Variants in GSE1 observed in about 807,000 individuals in gnomAD.
GSE1 encodes Gse1 coiled-coil protein.
A neutral mutation model predicts 112.6 loss-of-function variants in GSE1; 32 were observed. The observed-to-expected ratio is 0.28, with a 90% CI of 0.21 to 0.38. GSE1 has a LOEUF of 0.38. Ranked by LOEUF, GSE1 falls within the 10% of genes least tolerant of loss-of-function variation. The pLI is 1.00. For synonymous variants in GSE1, 1,115 were observed against 735.6 expected, an observed-to-expected ratio of 1.52 and a Z score of -8.35; for missense variants, 2,348 against 1,699.2, an observed-to-expected ratio of 1.38 and a Z score of -6.71.
chr16:85,443,331 G>A (rs780214400), intron 2 of GSE1, among the ~76,000 whole-genome samples: 2 of 152,198 alleles, frequency 1.3e-5, no homozygotes, highest in African/African-American at 2.4e-5. Context: ...AAGAGGCAGC[G>A]CAGTGCAGCG....
Position 85,407,984 on chromosome 16 carries a change from C to G in GSE1, c.2464+50341C>G, listed in dbSNP as rs1213222951. 1.1e-4 allele frequency among the ~76,000 whole-genome samples: 6 copies of G among 55,172 alleles called. 3 individuals carry two copies. The highest frequency in any genetic ancestry group is 2.3e-4 in the Non-Finnish European group (6 of 25,826). 36.2% of individuals were successfully genotyped at this position (55,172 alleles called of 152,430 possible). A position where few individuals can be genotyped will look rare whatever the true frequency, so the allele number is the denominator to read the frequency against. ...CTCAGGGTCCCTCTGATAATCCTCACTGTTACACTCAGGGCCCCCTGGATA... is the reference window on the plus strand; with the variant it reads ...CTCAGGGTCCCTCTGATAATCCTCAGTGTTACACTCAGGGCCCCCTGGATA... On this transcript the variant is annotated intron_variant, in intron 2 of 2. Coordinates refer to the GSE1 transcript ENST00000637419.
At chr16:85,413,907 T>G (rs1257544185) in intron 2 of GSE1, among the ~76,000 whole-genome samples, 1 of 152,156 alleles carries the variant, frequency 6.6e-6, no homozygotes, top group Non-Finnish European at 1.5e-5. Flanking sequence ...TCTGATGGTT[T>G]TATAACAGGC....
intron 1 of GSE1, among the ~76,000 whole-genome samples, chr16:85,295,721 A>G (rs2045347185): frequency 6.6e-6 from 1 of 152,102 alleles, no homozygotes; most frequent in Admixed American, 6.5e-5. Context: ...CACTGGTAGA[A>G]AACACACATC....
intron 1 of GSE1, among the ~76,000 whole-genome samples, chr16:85,629,679 C>A (rs984717929): frequency 6.6e-6 from 1 of 152,150 alleles, no homozygotes; most frequent in South Asian, 2.1e-4. Context: ...GAGTGGCTGG[C>A]TCTCTGAGGA....
chr16:85,357,160 G>A (rs1020739805), intron 1 of GSE1, among the ~76,000 whole-genome samples: 7 of 152,204 alleles, frequency 4.6e-5, no homozygotes, highest in Admixed American at 2.0e-4. Flanking sequence ...GCCAGCTGCC[G>A]CGAGGGCTCC....
chr16:85,203,967 C>T (rs1025936214), intron 1 of GSE1, among the ~76,000 whole-genome samples: 10 of 152,132 alleles, frequency 6.6e-5, no homozygotes, highest in East Asian at 3.9e-4. Context: ...GACGAGGTCT[C>T]ACTATGTTGC....
intron 1 of GSE1, among the ~76,000 whole-genome samples, chr16:85,573,155 C>T (rs1045232431): frequency 1.3e-5 from 2 of 152,186 alleles, no homozygotes; most frequent in South Asian, 2.1e-4. Context: ...TGAGCCACTG[C>T]GCCCGGCCCA....
chr16:85,377,819 G>A (rs1374388267), intron 2 of GSE1, among the ~76,000 whole-genome samples: 1 of 152,234 alleles, frequency 6.6e-6, no homozygotes, highest in African/African-American at 2.4e-5. Context: ...CAAATGGCCC[G>A]GCATCCACAT....
At chr16:85,615,565 G>T (rs577721368) in intron 1 of GSE1, among the ~76,000 whole-genome samples, 1 of 152,306 alleles carries the variant, frequency 6.6e-6, no homozygotes, top group African/African-American at 2.4e-5. Context: ...GTGAGAGCCC[G>T]CCAGGAGCCT....
intron 1 of GSE1, among the ~76,000 whole-genome samples, chr16:85,199,456 C>T (rs1228044356): frequency 6.6e-6 from 1 of 152,142 alleles, no homozygotes; most frequent in East Asian, 1.9e-4. Context: ...TGAAGGAGGG[C>T]GATGTGTTTA....
At chr16:85,191,814 A>C (rs978083029) in intron 1 of GSE1, among the ~76,000 whole-genome samples, 2 of 152,158 alleles carry the variant, frequency 1.3e-5, no homozygotes, top group African/African-American at 4.8e-5. Context: ...TGATACTTGC[A>C]AGGCTTCTGG....
In GSE1 at chr16:85,622,668, T is replaced by C. The variant is rs114011021; in HGVS notation, c.7+9270T>C. Among the ~76,000 whole-genome samples the C allele has an allele frequency of 8.4e-3, 1,273 of 152,336 alleles. 13 individuals are homozygous for C. The highest frequency in any genetic ancestry group is 0.029 in the African/African-American group (1,190 of 41,566). ...TTTTGCAAAGGCGGATGTAACTGTTTTATGACTTGAGGGGCAAGTCCTGAC... is the reference window on the plus strand; with the variant it reads ...TTTTGCAAAGGCGGATGTAACTGTTCTATGACTTGAGGGGCAAGTCCTGAC... On this transcript the variant is annotated intron_variant, in intron 1 of 15. Coordinates refer to ENST00000253458, the MANE Select transcript of GSE1 (RefSeq NM_014615.5).
intron 2 of GSE1, among the ~76,000 whole-genome samples, chr16:85,450,316 C>G (rs1001070041): frequency 6.6e-6 from 1 of 151,640 alleles, no homozygotes; most frequent in Non-Finnish European, 1.5e-5. Flanking sequence ...TGGGGTTTCT[C>G]CATGTTGGTC....
chr16:85,457,150 G>T (rs1229018211), intron 2 of GSE1, among the ~76,000 whole-genome samples: 1 of 152,204 alleles, frequency 6.6e-6, no homozygotes, highest in Non-Finnish European at 1.5e-5. Flanking sequence ...AGGGCAGCGG[G>T]GTCTGCCCTA....
At chr16:85,287,122 C>CA (rs1282972468) in intron 1 of GSE1, among the ~76,000 whole-genome samples, 1 of 152,212 alleles carries the variant, frequency 6.6e-6, no homozygotes, top group Non-Finnish European at 1.5e-5. Flanking sequence ...TCTGCGGTGT[C>CA]ACTGAGAACT....
At chr16:85,629,843 G>T (rs2049393757) in intron 1 of GSE1, among the ~76,000 whole-genome samples, 1 of 152,196 alleles carries the variant, frequency 6.6e-6, no homozygotes, top group South Asian at 2.1e-4. Flanking sequence ...TTAATAGAGG[G>T]TGTGGTGATG....
intron 2 of GSE1, among the ~76,000 whole-genome samples, chr16:85,519,955 G>T (rs72801127): frequency 3.3e-5 from 5 of 152,086 alleles, no homozygotes; most frequent in African/African-American, 1.2e-4. Flanking sequence ...GGTCCCAGAG[G>T]CTTCTCCTTA....
At chr16:85,267,966 A>G (rs1908425048) in intron 1 of GSE1, among the ~76,000 whole-genome samples, 1 of 152,122 alleles carries the variant, frequency 6.6e-6, no homozygotes, top group African/African-American at 2.4e-5. Context: ...AGCAGTGCCC[A>G]CTTCAGAGGG....
rs1444722063 is a variant in GSE1 at position 85,373,230 on chromosome 16, G to C, written c.2464+15587G>C. ...GTAGCAGGCCCAGCTGCCTCGAGGT[G>C]CTCCCAGGGATGGATCGCTCCATGC... On this transcript the variant is annotated intron_variant, in intron 2 of 2. Coordinates refer to the GSE1 transcript ENST00000637419. The surrounding 1 kb of genome is among the most constrained non-coding windows in gnomAD (Gnocchi z 5.1). Among the ~76,000 whole-genome samples the C allele has an allele frequency of 6.6e-6, 1 of 152,172 alleles. No individual in the cohort carries two copies. The highest frequency in any genetic ancestry group is 2.4e-5 in the African/African-American group (1 of 41,454).
Sources: gnomAD v4.1 joint callset for allele counts (sites outside exome capture counted in the v4.1 genomes callset) on GRCh38, gnomAD v4.1.1 for gene constraint, Gnocchi (gnomAD v3.1) non-coding constraint, MANE v1.5 for transcripts, NCBI Gene and HGNC (gene_info 2026-07-23, HGNC 2026-07-21) for gene names.